Variants in LCLAT1 observed in about 807,000 individuals in gnomAD.
LCLAT1 encodes lysocardiolipin acyltransferase 1.
A neutral mutation model predicts 30.7 loss-of-function variants in LCLAT1; 11 were observed. The observed-to-expected ratio is 0.36, with a 90% CI of 0.23 to 0.59. The LOEUF is 0.59. Ranked by LOEUF, LCLAT1 falls within the 20% of genes least tolerant of loss-of-function variation. The probability of loss-of-function intolerance (pLI) is 0.77; values close to 1 mark genes in which losing one functional copy is unlikely to be tolerated. For missense variants in LCLAT1, 402 were observed against 458.6 expected (o/e 0.88, Z 1.13); for synonymous variants, 155 against 151.3 (o/e 1.02, Z -0.18).
intron 5 of LCLAT1, among the ~76,000 whole-genome samples, chr2:30,634,600 A>G (rs1668934790): frequency 6.6e-6 from 1 of 152,236 alleles, no homozygotes; most frequent in Admixed American, 6.5e-5. Context: ...CTCCATCTCA[A>G]AATAAAAATA....
intron 1 of LCLAT1, among the ~76,000 whole-genome samples, chr2:30,524,180 CTG>C (rs1357945181): frequency 2.0e-5 from 3 of 152,052 alleles, no homozygotes; most frequent in African/African-American, 4.8e-5. Context: ...TCATTTTAGA[CTG>C]TGTGTTTCCA....
intron 1 of LCLAT1, among the ~76,000 whole-genome samples, chr2:30,485,564 G>T (rs829682): frequency 0.75 from 113,441 of 151,132 alleles, 43,114 homozygotes; most frequent in East Asian, 0.87. Flanking sequence ...TGTTCTTTTT[G>T]TTTAAGATTT....
intron 1 of LCLAT1, among the ~76,000 whole-genome samples, chr2:30,482,616 A>G (rs1445984672): frequency 6.6e-6 from 1 of 152,164 alleles, no homozygotes; most frequent in African/African-American, 2.4e-5. Flanking sequence ...GTAGTAATGT[A>G]GTTACTGGAA....
rs115822472 is a variant in LCLAT1 at position 30,559,867 on chromosome 2, C to G, written c.365-2279C>G. Among the ~76,000 whole-genome samples, 1,011 of 152,244 alleles carry G rather than the reference C, an allele frequency of 6.6e-3. 10 individuals carry two copies. Among genetic ancestry groups the G allele is most frequent in the African/African-American group, 0.023 (960 of 41,538 alleles). On this transcript the variant is annotated intron_variant, in intron 3 of 5. Coordinates refer to ENST00000379509, the MANE Select transcript of LCLAT1 (RefSeq NM_001002257.3). ...ATTTTACAATCCTTGATGTAATATT[C>G]TTGATATTATTGTAACTTGTTAATT...
intron 1 of LCLAT1, among the ~76,000 whole-genome samples, chr2:30,455,440 G>C (rs934723233): frequency 3.3e-5 from 5 of 152,154 alleles, no homozygotes; most frequent in Non-Finnish European, 5.9e-5. Context: ...CCAAGATCAC[G>C]GTGTCAGAGG....
At chr2:30,525,335 CTAAAG>C (rs1558496511) in intron 1 of LCLAT1, among the ~76,000 whole-genome samples, 2 of 152,132 alleles carry the variant, frequency 1.3e-5, no homozygotes, top group Non-Finnish European at 2.9e-5. Flanking sequence ...CTTCAGCCTC[CTAAAG>C]TGCTGGGATT....
intron 5 of LCLAT1, among the ~76,000 whole-genome samples, chr2:30,603,617 G>A (rs182865969): frequency 6.6e-6 from 1 of 152,156 alleles, no homozygotes; most frequent in African/African-American, 2.4e-5. Context: ...AGGATGTATT[G>A]TAACAAAAGA....
At chr2:30,528,522 A>G (rs1688580626) in intron 2 of LCLAT1, among the ~76,000 whole-genome samples, 1 of 152,202 alleles carries the variant, frequency 6.6e-6, no homozygotes, top group Admixed American at 6.5e-5. Context: ...GTGTTTAAAG[A>G]TAGATATTTT....
chr2:30,463,887 G>A (rs829569), intron 1 of LCLAT1, among the ~76,000 whole-genome samples: 147,666 of 152,372 alleles, frequency 0.97, 71,634 homozygotes, highest in East Asian at 1. Context: ...GTTGATGGAC[G>A]TTTATACTAT....
At position 30,455,909 on chromosome 2, in the gene LCLAT1, CAAAAAAAAAAA is replaced by C. The variant is rs3060184; in HGVS notation, c.-5+8544_-5+8554del. ...TGGGTGACGGAGTGAGACCCTATAT[CAAAAAAAAAAA>C]AAAAAAAAAAAAAAAAATTGGAAGT... On this transcript the variant is annotated intron_variant, in intron 1 of 5. Coordinates refer to ENST00000379509, the MANE Select transcript of LCLAT1 (RefSeq NM_001002257.3). Among the ~76,000 whole-genome samples, 8 of 61,000 alleles carry C rather than the reference CAAAAAAAAAAA, an allele frequency of 1.3e-4. No individual in the cohort carries two copies. The South Asian group carries it at 2.4e-3, about 18-fold the overall frequency. 40.0% of individuals were successfully genotyped at this position (61,000 alleles called of 152,430 possible).
intron 1 of LCLAT1, among the ~76,000 whole-genome samples, chr2:30,484,406 GTAT>G (rs1047532990): frequency 8.5e-5 from 13 of 152,130 alleles, no homozygotes; most frequent in African/African-American, 2.9e-4. Flanking sequence ...AATAATTCTG[GTAT>G]TATTATTATT....
chr2:30,601,671 T>C (rs867533584), intron 5 of LCLAT1, among the ~76,000 whole-genome samples: 5 of 38,588 alleles, frequency 1.3e-4, no homozygotes, highest in African/African-American at 5.1e-4. Context: ...GATTAATAGA[T>C]GCACTTTAAA....
intron 5 of LCLAT1, among the ~76,000 whole-genome samples, chr2:30,593,573 T>A (rs1666790753): frequency 6.6e-6 from 1 of 152,210 alleles, no homozygotes; most frequent in African/African-American, 2.4e-5. Context: ...TTGTGTTTTT[T>A]ATTTCTGTGA....
At chr2:30,602,363 C>A (rs1485826375) in intron 5 of LCLAT1, among the ~76,000 whole-genome samples, 1 of 152,086 alleles carries the variant, frequency 6.6e-6, no homozygotes, top group Non-Finnish European at 1.5e-5. Context: ...AATACCAGAT[C>A]CAAAGTATTT....
intron 5 of LCLAT1, among the ~76,000 whole-genome samples, chr2:30,619,921 A>G (rs1668161726): frequency 6.6e-6 from 1 of 152,244 alleles, no homozygotes; most frequent in South Asian, 2.1e-4. Flanking sequence ...CTCCTGCTAT[A>G]TGAGCACAAG....
intron 1 of LCLAT1, among the ~76,000 whole-genome samples, chr2:30,497,679 A>G (rs191948071): frequency 1.3e-5 from 2 of 152,244 alleles, no homozygotes; most frequent in East Asian, 1.9e-4. Flanking sequence ...CTTTACATTC[A>G]TAATCTAGGC....
intron 3 of LCLAT1, among the ~76,000 whole-genome samples, chr2:30,548,153 T>C (rs144261439): frequency 3.3e-5 from 5 of 152,084 alleles, no homozygotes; most frequent in African/African-American, 9.7e-5. Context: ...TTGGCCGAGA[T>C]GAGTTTTGAT....
chr2:30,637,107 A>G (rs973734235), intron 5 of LCLAT1, among the ~76,000 whole-genome samples: 1 of 152,230 alleles, frequency 6.6e-6, no homozygotes, highest in Admixed American at 6.5e-5. Flanking sequence ...TACAAGAGGT[A>G]AAGACATCTT....
intron 5 of LCLAT1, among the ~76,000 whole-genome samples, chr2:30,631,433 A>G (rs1472684881): frequency 6.6e-6 from 1 of 152,148 alleles, no homozygotes; most frequent in Non-Finnish European, 1.5e-5. Context: ...ATGGGAGAGG[A>G]GTAGACTGAA....
Sources: gnomAD v4.1 joint callset for allele counts (sites outside exome capture counted in the v4.1 genomes callset) on GRCh38, gnomAD v4.1.1 for gene constraint, MANE v1.5 for transcripts, NCBI Gene and HGNC (gene_info 2026-07-23, HGNC 2026-07-21) for gene names.